Variants in TSC22D1 observed in about 807,000 individuals in gnomAD.
The protein encoded by TSC22D1 is TSC22 domain family member 1.
A neutral mutation model predicts 74.2 loss-of-function variants in TSC22D1; 9 were observed. That is an observed-to-expected ratio of 0.12 (90% CI 0.07 to 0.21). The LOEUF (loss-of-function observed/expected upper bound fraction) is 0.21, where lower values mean the gene tolerates loss of function less well. Among genes scored for constraint, TSC22D1 ranks in the 10% least tolerant of loss-of-function variants. TSC22D1 has a pLI of 1.00. For synonymous variants in TSC22D1, 586 were observed against 492.5 expected (o/e 1.19, Z -2.51); for missense variants, 1,427 against 1,304.7 (o/e 1.09, Z -1.44).
At position 44,538,301 on chromosome 13, in the gene TSC22D1, TATA is replaced by T. The variant is rs1449810497; in HGVS notation, c.2912+34859_2912+34861del. ...TTAGAAACTTTGTTGATTTGACAAT[TATA>T]ATAAGCCTCAAGACCAGCGAAGATG... On this transcript the variant is annotated intron_variant, in intron 1 of 2. Transcript: ENST00000458659. 26 of 985,158 alleles carry T rather than the reference TATA, an allele frequency of 2.6e-5. 1 individual carries two copies. The African/African-American group carries it at 3.1e-4, about 12-fold the overall frequency. The allele number at this position is 985,158 out of a possible 1,614,324, so 61.0% of individuals were successfully genotyped here. A position where few individuals can be genotyped will look rare whatever the true frequency, so the allele number is the denominator to read the frequency against.
intron 1 of TSC22D1, among the ~76,000 whole-genome samples, chr13:44,549,163 G>A (rs182390784): frequency 1.3e-4 from 20 of 152,010 alleles, no homozygotes; most frequent in African/African-American, 3.4e-4. Context: ...AAGTTCCTCC[G>A]TATATAATAA....
At chr13:44,439,311 T>G (rs764784914) in intron 1 of TSC22D1, among the ~76,000 whole-genome samples, 1 of 152,248 alleles carries the variant, frequency 6.6e-6, no homozygotes, top group Non-Finnish European at 1.5e-5. Flanking sequence ...ACTAAAAAAA[T>G]GATTAGAAAT....
chr13:44,505,663 A>C (rs1257337971), intron 1 of TSC22D1, among the ~76,000 whole-genome samples: 1 of 151,898 alleles, frequency 6.6e-6, no homozygotes, highest in Non-Finnish European at 1.5e-5. Flanking sequence ...CCCAGAAAAA[A>C]CTCTGTGATT....
intron 1 of TSC22D1, among the ~76,000 whole-genome samples, chr13:44,521,307 C>T (rs1880303809): frequency 6.6e-6 from 1 of 152,088 alleles, no homozygotes; most frequent in South Asian, 2.1e-4. Flanking sequence ...ACAGTGAAAG[C>T]TTTCAGTCAT....
intron 1 of TSC22D1, among the ~76,000 whole-genome samples, chr13:44,483,918 T>C (rs1878310270): frequency 6.6e-6 from 1 of 152,170 alleles, no homozygotes; most frequent in Non-Finnish European, 1.5e-5. Context: ...CATTAAAAAA[T>C]GGTCCATTTA....
intron 1 of TSC22D1, among the ~76,000 whole-genome samples, chr13:44,468,127 A>T (rs575733877): frequency 2.0e-5 from 3 of 152,196 alleles, no homozygotes; most frequent in Non-Finnish European, 4.4e-5. Context: ...CAGGAATGGA[A>T]AACCAAATAC....
intron 1 of TSC22D1, among the ~76,000 whole-genome samples, chr13:44,563,065 T>C (rs537625163): frequency 2.9e-4 from 44 of 151,888 alleles, no homozygotes; most frequent in African/African-American, 8.9e-4. Context: ...GATTGCATCA[T>C]TGCACTCCAG....
At chr13:44,493,167 C>A (rs1175240) in intron 1 of TSC22D1, among the ~76,000 whole-genome samples, 149,660 of 152,322 alleles carry the variant, frequency 0.98, 73,553 homozygotes, top group Non-Finnish European at 1. Context: ...TGGCTCAAGA[C>A]AGAGGAAACA....
At chr13:44,566,097 T>C (rs1224720186) in intron 1 of TSC22D1, among the ~76,000 whole-genome samples, 1 of 152,218 alleles carries the variant, frequency 6.6e-6, no homozygotes, top group Non-Finnish European at 1.5e-5. Context: ...GGAAATGTTA[T>C]GTTCTATGGC....
intron 1 of TSC22D1, among the ~76,000 whole-genome samples, chr13:44,529,189 A>G (rs1880701727): frequency 6.6e-6 from 1 of 152,068 alleles, no homozygotes; most frequent in Non-Finnish European, 1.5e-5. Flanking sequence ...GACAAAATAC[A>G]AATCAAATCC....
At chr13:44,458,484 C>T (rs987299471) in intron 1 of TSC22D1, among the ~76,000 whole-genome samples, 1 of 152,160 alleles carries the variant, frequency 6.6e-6, no homozygotes, top group Non-Finnish European at 1.5e-5. Context: ...TGGGGAGGCG[C>T]GGCGGGCATT....
chr13:44,567,592 T>C (rs1883464844), intron 1 of TSC22D1, among the ~76,000 whole-genome samples: 1 of 151,798 alleles, frequency 6.6e-6, no homozygotes, highest in Non-Finnish European at 1.5e-5. Flanking sequence ...AATAGTATAC[T>C]ATTAAAAAGG....
At chr13:44,449,108 G>C (rs998854751) in intron 1 of TSC22D1, among the ~76,000 whole-genome samples, 6 of 152,214 alleles carry the variant, frequency 3.9e-5, no homozygotes, top group Non-Finnish European at 5.9e-5. Context: ...GGGTTTCTGG[G>C]CCTAGTCTAG....
At chr13:44,519,526 G>A (rs1880210277) in intron 1 of TSC22D1, among the ~76,000 whole-genome samples, 1 of 152,096 alleles carries the variant, frequency 6.6e-6, no homozygotes, top group African/African-American at 2.4e-5. Context: ...CGTCCCTGAA[G>A]TAAGTAAATG....
chr13:44,531,139 A>G (rs1292491235), intron 1 of TSC22D1, among the ~76,000 whole-genome samples: 2 of 152,184 alleles, frequency 1.3e-5, no homozygotes, highest in African/African-American at 2.4e-5. Flanking sequence ...ATAATTGATC[A>G]ATACTGGTTC....
At chr13:44,564,844 A>G (rs1194243560) in intron 1 of TSC22D1, among the ~76,000 whole-genome samples, 1 of 152,176 alleles carries the variant, frequency 6.6e-6, no homozygotes, top group African/African-American at 2.4e-5. Context: ...TGTTAGAGCA[A>G]TGGCAATAAG....
At position 44,449,137 on chromosome 13, in the gene TSC22D1, T is replaced by C. The variant is rs1286045549; in HGVS notation, c.2913-13042A>G. The stretch of plus-strand genomic sequence containing the variant: ...AGTCTAGAGTGGAGCTGGTGAGCTC[T>C]TGGTGAGAACTGGCCCTCCACAGCT... On this transcript the variant is annotated intron_variant, in intron 1 of 2. Transcript: ENST00000458659. Among the ~76,000 whole-genome samples the C allele has an allele frequency of 2.0e-5, 3 of 152,172 alleles. No individual in the cohort carries two copies. In the South Asian group the frequency reaches 6.2e-4, roughly 32 times the overall value.
chr13:44,515,492 C>T (rs1475657658), intron 1 of TSC22D1, among the ~76,000 whole-genome samples: 1 of 151,562 alleles, frequency 6.6e-6, no homozygotes, highest in South Asian at 2.1e-4. Context: ...GGCTGGAGTG[C>T]AGTGGCACAA....
intron 1 of TSC22D1, among the ~76,000 whole-genome samples, chr13:44,437,726 T>G (rs577384494): frequency 1.2e-4 from 18 of 152,312 alleles, no homozygotes; most frequent in Non-Finnish European, 1.8e-4. Flanking sequence ...GAGTGACAAT[T>G]CCTCTAAGAC....
Sources: allele counts gnomAD v4.1 joint callset (sites outside exome capture counted in the v4.1 genomes callset), GRCh38; gene constraint gnomAD v4.1.1; transcripts MANE v1.5; gene names NCBI Gene and HGNC (gene_info 2026-07-23, HGNC 2026-07-21).